PRKAR1B: variants seen among roughly 807,000 people sequenced by gnomAD.
PRKAR1B encodes protein kinase cAMP-dependent type I regulatory subunit beta.
In PRKAR1B, 22 loss-of-function variants were observed where a neutral mutation model predicts 46.5. The observed-to-expected ratio is 0.47, with a 90% CI of 0.34 to 0.68. The LOEUF is 0.68. Among genes scored for constraint, PRKAR1B ranks in the 30% least tolerant of loss-of-function variants. The pLI is 0.01. For synonymous variants in PRKAR1B, 259 were observed against 217.7 expected (o/e 1.19, Z -1.67); for missense variants, 445 against 535.6 (o/e 0.83, Z 1.67).
chr7:727,154 T>C lies in PRKAR1B; in HGVS notation c.-23+56A>G, dbSNP rs1273227112. The C allele has an allele frequency of 2.3e-6, 3 of 1,277,908 alleles. No homozygotes were observed. The East Asian group carries it at 1.1e-4, about 46-fold the overall frequency. The allele number at this position is 1,277,908 out of a possible 1,614,324, so 79.2% of individuals were successfully genotyped here. On this transcript the variant is annotated intron_variant, in intron 1 of 10. Transcript: ENST00000537384. ...GCCTGTGAGGAGCTGCGCCTGGCGC[T>C]TGTGCAGCTGCTGGGCCTGGCCGTG...
At chr7:705,773 T>C (rs1780290915) in intron 2 of PRKAR1B, among the ~76,000 whole-genome samples, 1 of 151,756 alleles carries the variant, frequency 6.6e-6, no homozygotes, top group Admixed American at 6.6e-5. Context: ...ACGTCTCTAA[T>C]CCCAACACAC....
intron 9 of PRKAR1B, among the ~76,000 whole-genome samples, chr7:570,484 C>CTGG (rs1269824464): frequency 6.6e-6 from 1 of 152,132 alleles, no homozygotes; most frequent in Non-Finnish European, 1.5e-5. Flanking sequence ...TGCCCTCCAT[C>CTGG]TGGCAGACTC....
At position 560,602 on chromosome 7, in the gene PRKAR1B, G is replaced by A. The variant is rs9770798; in HGVS notation, c.892-9132C>T. On this transcript the variant is annotated intron_variant, in intron 9 of 10. Transcript: ENST00000537384. This position sits in a 1 kb window ranked among gnomAD's most constrained non-coding sequence, Gnocchi z 4.2. ...GGGCCAGGTCATCAGCACCAAAATC[G>A]GGCCGCAGACCAAGAGTCGAAGAGT... Among the ~76,000 whole-genome samples the A allele has an allele frequency of 4.6e-5, 7 of 152,184 alleles. No individual in the cohort carries two copies. The South Asian group carries it at 6.2e-4, about 14-fold the overall frequency.
At chr7:639,168 A>G (rs1784269173) in intron 4 of PRKAR1B, among the ~76,000 whole-genome samples, 1 of 152,210 alleles carries the variant, frequency 6.6e-6, no homozygotes, top group South Asian at 2.1e-4. Context: ...AAAGGAACGG[A>G]GTAGGGGGAC....
At chr7:559,275 C>T (rs10242333) in intron 9 of PRKAR1B, among the ~76,000 whole-genome samples, 34,153 of 152,010 alleles carry the variant, frequency 0.22, 4,002 homozygotes, top group Non-Finnish European at 0.25. Context: ...AGCAAAGTGG[C>T]CTCTGAGCTG....
intron 2 of PRKAR1B, among the ~76,000 whole-genome samples, chr7:681,440 G>C (rs551565701): frequency 1.3e-5 from 2 of 152,140 alleles, no homozygotes; most frequent in East Asian, 3.9e-4. Context: ...AAAATAAAGT[G>C]GGTGAGGCTC....
At chr7:688,740 C>T (rs971293988) in intron 2 of PRKAR1B, among the ~76,000 whole-genome samples, 8 of 152,264 alleles carry the variant, frequency 5.3e-5, no homozygotes, top group East Asian at 3.9e-4. Flanking sequence ...CAGAGCTCTG[C>T]GGTCCTCTCA....
chr7:633,232 G>A (rs912079434), intron 4 of PRKAR1B, among the ~76,000 whole-genome samples: 3 of 152,172 alleles, frequency 2.0e-5, no homozygotes, highest in Non-Finnish European at 4.4e-5. Context: ...TGTCTCGTGT[G>A]CAAACATCTA....
intron 4 of PRKAR1B, among the ~76,000 whole-genome samples, chr7:657,052 G>C (rs1785242935): frequency 6.6e-6 from 1 of 151,230 alleles, no homozygotes; most frequent in African/African-American, 2.4e-5. Context: ...TAAATGAATG[G>C]ATGCATGAGT....
At chr7:617,329 G>A (rs1401037070) in intron 4 of PRKAR1B, among the ~76,000 whole-genome samples, 1 of 144,182 alleles carries the variant, frequency 6.9e-6, no homozygotes, top group Non-Finnish European at 1.5e-5. Flanking sequence ...TAAAGAGACC[G>A]AGTCTCACTC....
chr7:630,825 G>A (rs1783693088), intron 4 of PRKAR1B, among the ~76,000 whole-genome samples: 1 of 152,176 alleles, frequency 6.6e-6, no homozygotes, highest in South Asian at 2.1e-4. Context: ...ACCATCTCCA[G>A]GGAGCACCAT....
Position 551,485 on chromosome 7 carries a change from G to A in PRKAR1B, c.892-15C>T. The A allele has an allele frequency of 1.9e-6, 3 of 1,551,282 alleles. No individual in the cohort carries two copies. The highest frequency in any genetic ancestry group is 1.7e-6 in the Non-Finnish European group (2 of 1,147,442). ...GACGCGGTGCCCTGTGGGTGGAGGT[G>A]GACAGACGTGAGTGCCAGCCAGGCG... is the stretch of plus-strand genomic sequence containing the variant. On this transcript the variant is annotated splice_polypyrimidine_tract_variant and intron_variant, in intron 9 of 10. Coordinates refer to ENST00000537384, the MANE Select transcript of PRKAR1B (RefSeq NM_001164760.2).
intron 9 of PRKAR1B, among the ~76,000 whole-genome samples, chr7:556,842 G>A (rs998817894): frequency 7.2e-5 from 11 of 152,184 alleles, no homozygotes; most frequent in Non-Finnish European, 1.0e-4. Flanking sequence ...AGAGGGGGAC[G>A]CTGCCTCTGT....
Position 591,164 on chromosome 7 carries a change from CA to C in PRKAR1B, c.708+4981del, listed in dbSNP as rs890083841. ...CGGCGGGGTGACAGCTGAAGGCTGC[CA>C]GGGGCCCCCGGGGGAGGGCCCGGCC... On this transcript the variant is annotated intron_variant, in intron 7 of 10. Coordinates refer to ENST00000537384, the MANE Select transcript of PRKAR1B (RefSeq NM_001164760.2). Among the ~76,000 whole-genome samples the C allele has an allele frequency of 8.5e-5, 13 of 152,250 alleles. 1 individual carries two copies. The highest frequency in any genetic ancestry group is 7.9e-4 in the Admixed American group (12 of 15,286).
At chr7:654,068 C>CATCA (rs573025869) in intron 4 of PRKAR1B, among the ~76,000 whole-genome samples, 359 of 152,012 alleles carry the variant, frequency 2.4e-3, no homozygotes, top group Middle Eastern at 3.4e-3. Flanking sequence ...TCACCATCTT[C>CATCA]ATCACCATCA....
intron 2 of PRKAR1B, among the ~76,000 whole-genome samples, chr7:689,276 C>T (rs529854674): frequency 1.3e-5 from 2 of 151,984 alleles, no homozygotes; most frequent in African/African-American, 4.8e-5. Context: ...CGCCCACCAC[C>T]ACACCCGGCT....
At chr7:693,255 A>G (rs1306403441) in intron 2 of PRKAR1B, among the ~76,000 whole-genome samples, 2 of 136,138 alleles carry the variant, frequency 1.5e-5, no homozygotes, top group Admixed American at 7.5e-5. Context: ...TTTTTTTTTT[A>G]ATTGAGGTAA....
chr7:631,854 G>A (rs897037074), intron 4 of PRKAR1B, among the ~76,000 whole-genome samples: 4 of 152,180 alleles, frequency 2.6e-5, no homozygotes, highest in African/African-American at 9.6e-5. Context: ...CTACTCGGGA[G>A]GCTGAGGTGG....
chr7:641,107 C>T (rs1340025408), intron 4 of PRKAR1B, among the ~76,000 whole-genome samples: 2 of 152,138 alleles, frequency 1.3e-5, no homozygotes, highest in East Asian at 1.9e-4. Context: ...TGCCCGCCAC[C>T]ACGCCCGGCT....
Sources: allele counts gnomAD v4.1 joint callset (sites outside exome capture counted in the v4.1 genomes callset), GRCh38; gene constraint gnomAD v4.1.1; non-coding constraint Gnocchi (gnomAD v3.1); transcripts MANE v1.5; gene names NCBI Gene and HGNC (gene_info 2026-07-23, HGNC 2026-07-21).